The following LPCAT1 variants were observed in gnomAD, a reference collection of about 807,000 sequenced individuals.
LPCAT1 encodes the protein 1-acylglycerol-3-phosphate O-acyltransferase.
A neutral mutation model predicts 60.9 loss-of-function variants in LPCAT1; 23 were observed. That is an observed-to-expected ratio of 0.38 (90% CI 0.27 to 0.53). LPCAT1 has a LOEUF of 0.53. Ranked by LOEUF, LPCAT1 falls within the 20% of genes least tolerant of loss-of-function variation. The probability of loss-of-function intolerance (pLI) is 0.82; values close to 1 mark genes in which losing one functional copy is unlikely to be tolerated. For synonymous variants in LPCAT1, 340 were observed against 301.1 expected (o/e 1.13, Z -1.34); for missense variants, 622 against 723.6 (o/e 0.86, Z 1.61).
chr5:1,518,450 C>G (rs1736572951), intron 1 of LPCAT1, among the ~76,000 whole-genome samples: 2 of 152,226 alleles, frequency 1.3e-5, no homozygotes, highest in African/African-American at 4.8e-5. Flanking sequence ...ACGCCATTCT[C>G]CTGCCTCAGC....
At position 1,488,419 on chromosome 5, in the gene LPCAT1, G is replaced by A. The variant is rs1735450439; in HGVS notation, c.639C>T (p.Asn213=). 1 of 1,601,366 alleles carries A rather than the reference G, an allele frequency of 6.2e-7. No individual in the cohort carries two copies. The highest frequency in any genetic ancestry group is 1.7e-5 in the Admixed American group (1 of 57,418). ...GTTTGAAGGTAATTAGGCAGGTCCT[G>A]TTTGTACAAGTTCCTTCTGGAAAAA... is the stretch of plus-strand genomic sequence containing the variant. ...IMIFPEGTCT[N]RTCLITFKPG... is the part of the protein sequence containing the mutation. Residue 213 remains asparagine (N), a synonymous_variant, in exon 5 of 14, where the codon AAC becomes AAT. Coordinates refer to ENST00000283415, the MANE Select transcript of LPCAT1 (RefSeq NM_024830.5).
chr5:1,500,835 C>T (rs1735977088), intron 2 of LPCAT1, among the ~76,000 whole-genome samples: 1 of 152,250 alleles, frequency 6.6e-6, no homozygotes, highest in Non-Finnish European at 1.5e-5. Flanking sequence ...AGCCGTTCCC[C>T]TCATTGCTGC....
At chr5:1,491,825 T>A (rs1018733400) in intron 3 of LPCAT1, among the ~76,000 whole-genome samples, 6 of 152,252 alleles carry the variant, frequency 3.9e-5, no homozygotes, top group African/African-American at 1.2e-4. Context: ...GGAAAAAATC[T>A]ACCTGGTTGA....
rs563643819 is a variant in LPCAT1, at chr5:1,518,400, G to A, written c.135+5310C>T. Among the ~76,000 whole-genome samples the A allele has an allele frequency of 9.8e-5, 15 of 152,336 alleles. No individual in the cohort carries two copies. The East Asian group carries it at 2.5e-3, about 25-fold the overall frequency. ...CTGTCGCCCAGGCTGGAGTGCAGTG[G>A]TGCGATCTCCGCTCACTGCAAGCTC... is the stretch of plus-strand genomic sequence containing the variant. On this transcript the variant is annotated intron_variant, in intron 1 of 13. Transcript: ENST00000283415.
intron 13 of LPCAT1, among the ~76,000 whole-genome samples, chr5:1,466,092 G>A (rs1310460516): frequency 6.6e-6 from 1 of 152,282 alleles, no homozygotes; most frequent in East Asian, 1.9e-4. Context: ...AGCCAGGCCA[G>A]GGCCTGCAGC....
intron 13 of LPCAT1, 78 bp from the exon 14 acceptor site, chr5:1,463,913 C>T (rs6876662): frequency 0.66 from 971,738 of 1,482,200 alleles, 319,549 homozygotes; most frequent in South Asian, 0.76. Flanking sequence ...TTTCCCACGG[C>T]CCTGGTGGGT....
At chr5:1,468,326 C>G (rs982423578) in intron 12 of LPCAT1, among the ~76,000 whole-genome samples, 25 of 152,206 alleles carry the variant, frequency 1.6e-4, no homozygotes, top group African/African-American at 5.8e-4. Context: ...CATCTGCAGA[C>G]GAAATCCACG....
chr5:1,517,787 G>A (rs553588045), intron 1 of LPCAT1, among the ~76,000 whole-genome samples: 7 of 152,342 alleles, frequency 4.6e-5, no homozygotes, highest in Admixed American at 1.3e-4. Context: ...CAGAGGCGAC[G>A]TGTCAAATTC....
At position 1,501,507 on chromosome 5, in the gene LPCAT1, C is replaced by T; in HGVS notation, c.232G>A (p.Gly78Ser). 6.2e-7 allele frequency: 1 copy of T among 1,613,814 alleles called. No individual in the cohort carries two copies. Among genetic ancestry groups the T allele is most frequent in the South Asian group, 1.1e-5 (1 of 91,082 alleles). ...AWPLALVASL[G>S]SAEKEPEQPP... ...TGCTCGGGTTCCTTCTCCGCAGAGCCCAGGGATGCGACAAGTGCGAGGGGC... is the reference window on the plus strand; with the variant it reads ...TGCTCGGGTTCCTTCTCCGCAGAGCTCAGGGATGCGACAAGTGCGAGGGGC... The change falls in exon 2 of 14, where the codon GGC (glycine) becomes AGC (serine). Residue 78 changes from glycine to serine, a missense_variant. Gly to Ser is a moderately conservative substitution (Grantham distance 56, BLOSUM62 0). Transcript: ENST00000283415.
At chr5:1,472,348 C>T (rs1252922661) in intron 11 of LPCAT1, among the ~76,000 whole-genome samples, 2 of 152,076 alleles carry the variant, frequency 1.3e-5, no homozygotes, top group African/African-American at 2.4e-5. Flanking sequence ...GTGAGACGCA[C>T]ACAGGTCCCT....
chr5:1,488,464 G>A lies in LPCAT1; in HGVS notation c.607-13C>T. Reference sequence around the variant, plus strand: ...GAAAAATCATTATCTGGAAGTGGGAGAAAGAAAAGGATCAGCATTAAACTG... The same window carrying A: ...GAAAAATCATTATCTGGAAGTGGGAAAAAGAAAAGGATCAGCATTAAACTG... On this transcript the variant is annotated splice_polypyrimidine_tract_variant and intron_variant, in intron 4 of 13. Coordinates refer to ENST00000283415, the MANE Select transcript of LPCAT1 (RefSeq NM_024830.5). The A allele has an allele frequency of 6.4e-7, 1 of 1,561,632 alleles. No individual in the cohort carries two copies. Among genetic ancestry groups the A allele is most frequent in the Non-Finnish European group, 8.8e-7 (1 of 1,142,058 alleles).
At chr5:1,518,948 CCGTGCCTGCAGGAAG>C (rs1736590155) in intron 1 of LPCAT1, among the ~76,000 whole-genome samples, 2 of 152,370 alleles carry the variant, frequency 1.3e-5, no homozygotes, top group South Asian at 2.1e-4. Context: ...GAGAAAGGAA[CCGTGCCTGCAGGAAG>C]CGTGCAGAGC....
chr5:1,481,096 G>C lies in LPCAT1; in HGVS notation c.727-120C>G. 8.1e-7 allele frequency: 1 copy of C among 1,231,156 alleles called. No homozygotes were observed. Among genetic ancestry groups the C allele is most frequent in the Non-Finnish European group, 1.2e-6 (1 of 846,214 alleles). The allele number at this position is 1,231,156 out of a possible 1,614,324, so 76.3% of individuals were successfully genotyped here. A position where few individuals can be genotyped will look rare whatever the true frequency, so the allele number is the denominator to read the frequency against. On this transcript the variant is annotated intron_variant, in intron 6 of 13. Transcript: ENST00000283415. The surrounding 1 kb of genome is among the most constrained non-coding windows in gnomAD (Gnocchi z 7.8). ...CCCCACAGAGGCGCTGCAGCCAGGG[G>C]GAAGGGAGGAGGGTGCTAGAGCTCC...
At position 1,481,963 on chromosome 5, in the gene LPCAT1, G is replaced by A. The variant is rs1337700576; in HGVS notation, c.727-987C>T. Among the ~76,000 whole-genome samples the A allele has an allele frequency of 6.6e-6, 1 of 152,250 alleles. No homozygotes were observed. Among genetic ancestry groups the A allele is most frequent in the Admixed American group, 6.5e-5 (1 of 15,290 alleles). ...GAACCCTGGCACCCAGAGGTCACCT[G>A]TATTTCTGCCCCACTATGTCCTGAC... On this transcript the variant is annotated intron_variant, in intron 6 of 13. Coordinates refer to ENST00000283415, the MANE Select transcript of LPCAT1 (RefSeq NM_024830.5). This position sits in a 1 kb window ranked among gnomAD's most constrained non-coding sequence, Gnocchi z 7.8.
Position 1,523,923 on chromosome 5 carries a change from C to T in LPCAT1, c.-79G>A, listed in dbSNP as rs1279447570. On this transcript the variant is annotated 5_prime_UTR_variant, in exon 1 of 14. Transcript: ENST00000283415. This position sits in a 1 kb window ranked among gnomAD's most constrained non-coding sequence, Gnocchi z 7.1. Reference sequence around the variant, plus strand: ...GCCGGGGCTAGCTGGGCGCGGGTCTCGGGGCGCGGGCCGAGGATGCGCGGC... The same window carrying T: ...GCCGGGGCTAGCTGGGCGCGGGTCTTGGGGCGCGGGCCGAGGATGCGCGGC... The T allele has an allele frequency of 2.1e-6, 2 of 950,658 alleles. No homozygotes were observed. The highest frequency in any genetic ancestry group is 4.7e-5 in the South Asian group (1 of 21,220). The allele number at this position is 950,658 out of a possible 1,614,324, so 58.9% of individuals were successfully genotyped here. A position where few individuals can be genotyped will look rare whatever the true frequency, so the allele number is the denominator to read the frequency against.
rs201924969 is a variant in LPCAT1, at chr5:1,470,959, C to T, written c.1180-35G>A. On this transcript the variant is annotated intron_variant, in intron 11 of 13. Transcript: ENST00000283415. ...GAGACGCTCTCAGCCACAGCTCGGC[C>T]GCCTTCGGCACTGGAGAAACGCCAG... is the stretch of plus-strand genomic sequence containing the variant. 83 of 1,589,202 alleles carry T rather than the reference C, an allele frequency of 5.2e-5. No homozygotes were observed. In the African/African-American group the frequency reaches 8.3e-4, roughly 16 times the overall value.
intron 1 of LPCAT1, among the ~76,000 whole-genome samples, chr5:1,518,462 T>A (rs373375986): frequency 2.6e-5 from 4 of 152,332 alleles, no homozygotes; most frequent in South Asian, 4.1e-4. Context: ...TGCCTCAGCC[T>A]CCTGGGTGGC....
chr5:1,521,439 G>T lies in LPCAT1; in HGVS notation c.135+2271C>A. ...CCCATTTCTTTCTTTGGGGAAGAAG[G>T]CTTTCTTGGCTTGAAAGACAGGCTA... On this transcript the variant is annotated intron_variant, in intron 1 of 13. Coordinates refer to ENST00000283415, the MANE Select transcript of LPCAT1 (RefSeq NM_024830.5). The surrounding 1 kb of genome is among the most constrained non-coding windows in gnomAD (Gnocchi z 4.3). 2 of 985,288 alleles carry T rather than the reference G, an allele frequency of 2.0e-6. No individual in the cohort carries two copies. The highest frequency in any genetic ancestry group is 2.4e-6 in the Non-Finnish European group (2 of 829,808). The allele number at this position is 985,288 out of a possible 1,614,324, so 61.0% of individuals were successfully genotyped here. A position where few individuals can be genotyped will look rare whatever the true frequency, so the allele number is the denominator to read the frequency against.
rs1279643419 is a variant in LPCAT1, at chr5:1,476,128, CAGTG to C, written c.899+1272_899+1275del. Reference sequence around the variant, plus strand: ...TTGAAATGGAGGGTTCTAAAATAATCAGTGAGGCCCACAGGCGATCTCTCCTTGA... The same window carrying C: ...TTGAAATGGAGGGTTCTAAAATAATCAGGCCCACAGGCGATCTCTCCTTGA... On this transcript the variant is annotated intron_variant, in intron 9 of 13. Coordinates refer to ENST00000283415, the MANE Select transcript of LPCAT1 (RefSeq NM_024830.5). The surrounding 1 kb of genome is among the most constrained non-coding windows in gnomAD (Gnocchi z 8.6). Among the ~76,000 whole-genome samples, 3 of 152,324 alleles carry C rather than the reference CAGTG, an allele frequency of 2.0e-5. No homozygotes were observed. The highest frequency in any genetic ancestry group is 7.2e-5 in the African/African-American group (3 of 41,576).
Sources: gnomAD v4.1 joint callset for allele counts (sites outside exome capture counted in the v4.1 genomes callset) on GRCh38, gnomAD v4.1.1 for gene constraint, Gnocchi (gnomAD v3.1) non-coding constraint, MANE v1.5 for transcripts, NCBI Gene and HGNC (gene_info 2026-07-23, HGNC 2026-07-21) for gene names.